The following CNBD1 variants were observed in gnomAD, a reference collection of about 807,000 sequenced individuals.
CNBD1 encodes the protein cyclic nucleotide binding domain containing 1.
CNBD1 carries 71 observed loss-of-function variants against 54.4 expected under a neutral mutation model. The ratio of observed to expected loss-of-function variants is 1.30; its 90% confidence interval spans 1.08 to 1.59. The LOEUF (loss-of-function observed/expected upper bound fraction) is 1.59. CNBD1 is among the 40% of genes most tolerant of loss of function. The probability of loss-of-function intolerance (pLI) is 0.00; values close to 1 mark genes in which losing one functional copy is unlikely to be tolerated. For synonymous variants in CNBD1, 182 were observed against 170.7 expected, an observed-to-expected ratio of 1.07 and a Z score of -0.51; for missense variants, 659 against 518.0, an observed-to-expected ratio of 1.27 and a Z score of -2.64.
intron 5 of CNBD1, among the ~76,000 whole-genome samples, chr8:87,220,075 A>G (rs1209691546): frequency 1.3e-5 from 2 of 152,038 alleles, no homozygotes; most frequent in Admixed American, 1.3e-4. Context: ...TAAAGGATTA[A>G]TAATTAATAG....
chr8:87,236,346 G>A (rs1402092829), intron 5 of CNBD1, among the ~76,000 whole-genome samples: 2 of 152,034 alleles, frequency 1.3e-5, no homozygotes, highest in East Asian at 3.9e-4. Flanking sequence ...ATTGGGGTTG[G>A]ATGACAGTTT....
At chr8:87,216,911 A>G (rs957931373) in intron 5 of CNBD1, among the ~76,000 whole-genome samples, 6 of 152,178 alleles carry the variant, frequency 3.9e-5, no homozygotes, top group African/African-American at 1.4e-4. Context: ...TTGCTGAAAT[A>G]CTGGCTTATA....
chr8:87,358,951 T>C (rs1437385095), intron 10 of CNBD1, among the ~76,000 whole-genome samples: 1 of 152,208 alleles, frequency 6.6e-6, no homozygotes, highest in Non-Finnish European at 1.5e-5. Flanking sequence ...TTAGGTGTTA[T>C]CTGTTTGCAT....
rs767899513 is a variant in CNBD1 at position 86,939,587 on chromosome 8, C to G, written c.273-9C>G. 2 of 1,560,662 alleles carry G rather than the reference C, an allele frequency of 1.3e-6. No homozygotes were observed. Among genetic ancestry groups the G allele is most frequent in the African/African-American group, 1.4e-5 (1 of 72,104 alleles). ...ACAACAGCATAAAATACTATATTTT[C>G]TTGTTCAGGGAACTCAATGAAGGCA... On this transcript the variant is annotated splice_polypyrimidine_tract_variant and intron_variant, in intron 3 of 10. Coordinates refer to ENST00000518476, the MANE Select transcript of CNBD1 (RefSeq NM_173538.3).
intron 2 of CNBD1, among the ~76,000 whole-genome samples, chr8:87,413,797 A>G (rs1307789175): frequency 1.3e-5 from 2 of 151,434 alleles, no homozygotes; most frequent in African/African-American, 4.9e-5. Context: ...GCCATCAGAG[A>G]AATGCAAATC....
At chr8:87,206,689 G>A (rs1813983134) in intron 5 of CNBD1, among the ~76,000 whole-genome samples, 1 of 152,142 alleles carries the variant, frequency 6.6e-6, no homozygotes, top group African/African-American at 2.4e-5. Context: ...CCTTCATGAA[G>A]GATTTAGTGG....
At position 87,352,465 on chromosome 8, in the gene CNBD1, C is replaced by A. The variant is rs368734779; in HGVS notation, c.1152+671C>A. On this transcript the variant is annotated intron_variant, in intron 9 of 10. Coordinates refer to ENST00000518476, the MANE Select transcript of CNBD1 (RefSeq NM_173538.3). ...ACTGCACTCCAGCCTGGCTACAGAG[C>A]AAGACTCTGTCTCAAAAAAAAAAAA... Among the ~76,000 whole-genome samples the A allele has an allele frequency of 8.5e-3, 955 of 112,566 alleles. 10 individuals carry two copies. Among genetic ancestry groups the A allele is most frequent in the African/African-American group, 0.038 (903 of 24,022 alleles). 73.8% of individuals were successfully genotyped at this position (112,566 alleles called of 152,430 possible).
chr8:87,189,687 C>T (rs998564428), intron 4 of CNBD1, among the ~76,000 whole-genome samples: 4 of 152,136 alleles, frequency 2.6e-5, no homozygotes, highest in Admixed American at 2.0e-4. Context: ...GAACCAAAAG[C>T]GTGCTGTGCC....
intron 4 of CNBD1, among the ~76,000 whole-genome samples, chr8:87,029,138 C>A (rs1347063477): frequency 6.6e-6 from 1 of 152,162 alleles, no homozygotes; most frequent in African/African-American, 2.4e-5. Flanking sequence ...AATTATTTGT[C>A]CCTAAATTGT....
At chr8:86,884,114 T>C (rs914319167) in intron 1 of CNBD1, among the ~76,000 whole-genome samples, 31 of 150,896 alleles carry the variant, frequency 2.1e-4, no homozygotes, top group Middle Eastern at 3.5e-3. Context: ...ATCCCGCCAC[T>C]GCACTCCAGC....
chr8:87,349,399 G>A (rs986494011), intron 8 of CNBD1, among the ~76,000 whole-genome samples: 11 of 151,418 alleles, frequency 7.3e-5, no homozygotes, highest in African/African-American at 2.7e-4. Flanking sequence ...TTTTTGAGGC[G>A]GAGTCTCACT....
chr8:87,315,709 A>G (rs1237725927), intron 8 of CNBD1, among the ~76,000 whole-genome samples: 1 of 152,056 alleles, frequency 6.6e-6, no homozygotes, highest in East Asian at 1.9e-4. Flanking sequence ...GGAGGGGTAA[A>G]ATATCCATAG....
Position 86,905,184 on chromosome 8 carries a change from G to A in CNBD1, c.262G>A (p.Glu88Lys), listed in dbSNP as rs759876595. 46 of 1,588,590 alleles carry A rather than the reference G, an allele frequency of 2.9e-5. No individual in the cohort carries two copies. The highest frequency in any genetic ancestry group is 1.9e-4 in the South Asian group (17 of 90,110). ...KPRLPKLFKQEEQRELNEGKE... is the reference protein window; with the variant it reads ...KPRLPKLFKQKEQRELNEGKE... ...CAGACTTCCTAAACTTTTCAAACAGGAGGAACAAAGGTAATGATACCTTCT... is the reference window on the plus strand; with the variant it reads ...CAGACTTCCTAAACTTTTCAAACAGAAGGAACAAAGGTAATGATACCTTCT... Residue 88 changes from glutamate (E) to lysine (K), a missense_variant, in exon 3 of 11, where the codon GAG (glutamate) becomes AAG (lysine). Coordinates refer to ENST00000518476, the MANE Select transcript of CNBD1 (RefSeq NM_173538.3).
At chr8:87,096,327 A>C (rs1811319249) in intron 4 of CNBD1, among the ~76,000 whole-genome samples, 1 of 149,414 alleles carries the variant, frequency 6.7e-6, no homozygotes, top group Admixed American at 6.7e-5. Context: ...CAGAAAGAAG[A>C]ATAGCTCTCT....
intron 5 of CNBD1, among the ~76,000 whole-genome samples, chr8:87,228,785 G>A (rs1006786529): frequency 2.0e-5 from 3 of 152,102 alleles, no homozygotes; most frequent in Non-Finnish European, 4.4e-5. Context: ...CGAGCTTCCA[G>A]GCTGTGTTGT....
intron 3 of CNBD1, among the ~76,000 whole-genome samples, chr8:86,930,116 C>T (rs1397512331): frequency 2.0e-5 from 3 of 152,140 alleles, no homozygotes; most frequent in Non-Finnish European, 2.9e-5. Context: ...GTGGCCTGGC[C>T]ATCTCGCTGT....
At chr8:87,119,318 C>A (rs1811844431) in intron 4 of CNBD1, among the ~76,000 whole-genome samples, 2 of 148,658 alleles carry the variant, frequency 1.3e-5, no homozygotes, top group African/African-American at 2.5e-5. Flanking sequence ...TAAATTAATT[C>A]TTAGGGTTTT....
chr8:87,023,935 C>T (rs145522390), intron 4 of CNBD1, among the ~76,000 whole-genome samples: 8 of 152,128 alleles, frequency 5.3e-5, no homozygotes, highest in East Asian at 1.9e-4. Context: ...TGACTCATTT[C>T]GTATTGAAAG....
chr8:87,251,146 T>A, intron 6 of CNBD1, among the ~76,000 whole-genome samples: 1 of 151,880 alleles, frequency 6.6e-6, no homozygotes, highest in Admixed American at 6.6e-5. Context: ...TAAAATTAAA[T>A]AAAAATTATA....
Sources: allele counts gnomAD v4.1 joint callset (sites outside exome capture counted in the v4.1 genomes callset), GRCh38; gene constraint gnomAD v4.1.1; transcripts MANE v1.5; gene names NCBI Gene and HGNC (gene_info 2026-07-23, HGNC 2026-07-21).